Variants in TMEM132C observed in about 807,000 individuals in gnomAD.
TMEM132C encodes transmembrane protein 132C.
In TMEM132C, 29 loss-of-function variants were observed where a neutral mutation model predicts 61.4. That is an observed-to-expected ratio of 0.47 (90% CI 0.35 to 0.64). TMEM132C has a LOEUF of 0.64. TMEM132C is among the 30% of genes least tolerant of loss of function. The probability of loss-of-function intolerance (pLI) is 0.00; values close to 1 mark genes in which losing one functional copy is unlikely to be tolerated. For synonymous variants in TMEM132C, 656 were observed against 633.1 expected (o/e 1.04, Z -0.54); for missense variants, 1,408 against 1,476.9 (o/e 0.95, Z 0.76).
chr12:128,409,443 A>G (rs1868448016), intron 1 of TMEM132C, among the ~76,000 whole-genome samples: 1 of 152,292 alleles, frequency 6.6e-6, no homozygotes, highest in South Asian at 2.1e-4. Context: ...GGCTCAGTGT[A>G]GGATGACAGC....
chr12:128,557,731 C>T (rs1433986246), intron 3 of TMEM132C, among the ~76,000 whole-genome samples: 2 of 152,270 alleles, frequency 1.3e-5, no homozygotes, highest in Admixed American at 6.5e-5. Flanking sequence ...CTTCAGATTT[C>T]ACAGACTCTT....
intron 5 of TMEM132C, among the ~76,000 whole-genome samples, chr12:128,688,659 G>C (rs1452790979): frequency 2.0e-5 from 3 of 152,092 alleles, no homozygotes; most frequent in Non-Finnish European, 2.9e-5. Flanking sequence ...AGAACATCCA[G>C]GATACAGAAG....
chr12:128,558,004 G>C (rs146475547), intron 3 of TMEM132C, among the ~76,000 whole-genome samples: 1 of 152,162 alleles, frequency 6.6e-6, no homozygotes, highest in African/African-American at 2.4e-5. Flanking sequence ...GCGGTTTCGC[G>C]CACATTAGTC....
At position 128,384,836 on chromosome 12, in the gene TMEM132C, C is replaced by T. The variant is rs112201159; in HGVS notation, c.86-29896C>T. On this transcript the variant is annotated intron_variant, in intron 1 of 8. Coordinates refer to ENST00000435159, the MANE Select transcript of TMEM132C (RefSeq NM_001136103.3). Reference sequence around the variant, plus strand: ...TCCACCAACCCTCCCTTCAAAGATGCGCACACTGAGACATAATGAGCCTCA... The same window carrying T: ...TCCACCAACCCTCCCTTCAAAGATGTGCACACTGAGACATAATGAGCCTCA... Among the ~76,000 whole-genome samples, 561 of 152,318 alleles carry T rather than the reference C, an allele frequency of 3.7e-3. 2 individuals are homozygous for T. The highest frequency in any genetic ancestry group is 0.012 in the African/African-American group (516 of 41,582).
chr12:128,383,624 A>AG (rs911522244), intron 1 of TMEM132C, among the ~76,000 whole-genome samples: 10 of 152,280 alleles, frequency 6.6e-5, no homozygotes, highest in African/African-American at 1.9e-4. Flanking sequence ...CTCCGCCCCC[A>AG]GGGGGTTTCT....
intron 2 of TMEM132C, among the ~76,000 whole-genome samples, chr12:128,533,402 C>T (rs1247764955): frequency 6.6e-6 from 1 of 152,120 alleles, no homozygotes; most frequent in Non-Finnish European, 1.5e-5. Context: ...TATCCATTTT[C>T]TAGGGCTGCT....
intron 5 of TMEM132C, among the ~76,000 whole-genome samples, chr12:128,685,496 T>C (rs1206299796): frequency 2.6e-5 from 4 of 152,138 alleles, no homozygotes; most frequent in African/African-American, 9.7e-5. Context: ...CACTGAGAGA[T>C]TGTATTAATA....
At chr12:128,331,296 A>T (rs1187705807) in intron 1 of TMEM132C, among the ~76,000 whole-genome samples, 1 of 152,180 alleles carries the variant, frequency 6.6e-6, no homozygotes, top group Non-Finnish European at 1.5e-5. Context: ...AGTTTTATCT[A>T]TTCTAATTGT....
intron 3 of TMEM132C, among the ~76,000 whole-genome samples, chr12:128,569,145 T>G (rs2136169596): frequency 6.6e-6 from 1 of 152,198 alleles, no homozygotes; most frequent in African/African-American, 2.4e-5. Flanking sequence ...GAGGTGATGT[T>G]TGACACTGGA....
chr12:128,587,958 A>G (rs1875610799), intron 3 of TMEM132C, among the ~76,000 whole-genome samples: 1 of 152,208 alleles, frequency 6.6e-6, no homozygotes, highest in African/African-American at 2.4e-5. Flanking sequence ...TAATAGTAAT[A>G]AAAATAACAG....
chr12:128,461,377 C>G (rs905005678), intron 2 of TMEM132C, among the ~76,000 whole-genome samples: 4 of 152,320 alleles, frequency 2.6e-5, no homozygotes, highest in East Asian at 1.9e-4. Flanking sequence ...TTTTCAAATA[C>G]TTTGAGTTAT....
chr12:128,452,061 T>G (rs1197722997), intron 2 of TMEM132C, among the ~76,000 whole-genome samples: 2 of 152,166 alleles, frequency 1.3e-5, no homozygotes, highest in Admixed American at 6.5e-5. Flanking sequence ...AATTTTCTTT[T>G]ATTTTTTAAA....
intron 8 of TMEM132C, among the ~76,000 whole-genome samples, chr12:128,703,385 G>A (rs764535444): frequency 4.6e-5 from 7 of 152,294 alleles, no homozygotes; most frequent in Middle Eastern, 3.4e-3. Context: ...ACTTAGAAGT[G>A]AGAACATGTA....
At chr12:128,679,264 T>A (rs1241020746) in intron 5 of TMEM132C, among the ~76,000 whole-genome samples, 1 of 152,228 alleles carries the variant, frequency 6.6e-6, no homozygotes, top group East Asian at 1.9e-4. Flanking sequence ...TGGGTCTTTA[T>A]TTAATCACTG....
chr12:128,372,646 A>G (rs1014004418), intron 1 of TMEM132C, among the ~76,000 whole-genome samples: 11 of 152,322 alleles, frequency 7.2e-5, no homozygotes, highest in African/African-American at 2.6e-4. Context: ...GACAAGATAT[A>G]TTCCTAGATT....
chr12:128,455,811 G>C (rs7305644), intron 2 of TMEM132C, among the ~76,000 whole-genome samples: 4 of 152,110 alleles, frequency 2.6e-5, no homozygotes, highest in Admixed American at 6.6e-5. Context: ...GCCGACTTAC[G>C]GGCTGTGGGG....
chr12:128,389,639 T>C (rs1874701270), intron 1 of TMEM132C, among the ~76,000 whole-genome samples: 1 of 152,014 alleles, frequency 6.6e-6, no homozygotes, highest in African/African-American at 2.4e-5. Flanking sequence ...AAAGCCTCCA[T>C]GAGGATTTGG....
At chr12:128,489,582 T>TATATATATA (rs1565951312) in intron 2 of TMEM132C, among the ~76,000 whole-genome samples, 2 of 149,844 alleles carry the variant, frequency 1.3e-5, no homozygotes, top group African/African-American at 2.4e-5. Flanking sequence ...TATATATATA[T>TATATATATA]TCTGTCCACA....
At chr12:128,662,365 A>G (rs1954399977) in intron 4 of TMEM132C, among the ~76,000 whole-genome samples, 2 of 152,202 alleles carry the variant, frequency 1.3e-5, no homozygotes, top group African/African-American at 4.8e-5. Context: ...ATCCATAAAC[A>G]TTATCTGATT....
Sources: gnomAD v4.1 joint callset for allele counts (sites outside exome capture counted in the v4.1 genomes callset) on GRCh38, gnomAD v4.1.1 for gene constraint, MANE v1.5 for transcripts, NCBI Gene and HGNC (gene_info 2026-07-23, HGNC 2026-07-21) for gene names.